ADAM10: variants seen among roughly 807,000 people sequenced by gnomAD.
ADAM10 encodes disintegrin and metalloproteinase domain-containing protein 10.
A neutral mutation model predicts 90.1 loss-of-function variants in ADAM10; 17 were observed. That is an observed-to-expected ratio of 0.19 (90% CI 0.13 to 0.28). ADAM10 has a LOEUF of 0.28. Ranked by LOEUF, ADAM10 falls within the 10% of genes least tolerant of loss-of-function variation. The pLI is 1.00. For synonymous variants in ADAM10, 310 were observed against 298.6 expected (o/e 1.04, Z -0.40); for missense variants, 610 against 914.3 (o/e 0.67, Z 4.29).
chr15:58,600,504 T>C (rs56063727), intron 14 of ADAM10, among the ~76,000 whole-genome samples: 4,140 of 152,188 alleles, frequency 0.027, 125 homozygotes, highest in East Asian at 0.083. Flanking sequence ...ATATAATATC[T>C]TTATTGTATT....
Position 58,686,536 on chromosome 15 carries a change from T to G in ADAM10, c.207-4222A>C, listed in dbSNP as rs558767581. The G allele has an allele frequency of 2.8e-6, 4 of 1,418,532 alleles. No individual in the cohort carries two copies. The East Asian group carries it at 9.3e-5, about 33-fold the overall frequency. The allele number at this position is 1,418,532 out of a possible 1,614,324, so 87.9% of individuals were successfully genotyped here. A position where few individuals can be genotyped will look rare whatever the true frequency, so the allele number is the denominator to read the frequency against. On this transcript the variant is annotated intron_variant, in intron 2 of 15. Transcript: ENST00000260408. ...AGCTTCAACAGTACTGTATGCAGAA[T>G]GCCTGCAAGGATGCCCTGCTGGTGG...
intron 1 of ADAM10, among the ~76,000 whole-genome samples, chr15:58,730,874 C>G (rs1463107619): frequency 6.6e-6 from 1 of 152,204 alleles, no homozygotes; most frequent in Non-Finnish European, 1.5e-5. Context: ...GACATCAGGA[C>G]TCCAGCCTCT....
intron 1 of ADAM10, among the ~76,000 whole-genome samples, chr15:58,722,361 A>AAAAT (rs1184522225): frequency 1.3e-5 from 2 of 151,742 alleles, no homozygotes; most frequent in Admixed American, 6.6e-5. Flanking sequence ...ATAATAAGTA[A>AAAAT]AAATAAATAA....
chr15:58,699,749 C>T (rs1898079933), intron 2 of ADAM10, among the ~76,000 whole-genome samples: 1 of 152,086 alleles, frequency 6.6e-6, no homozygotes, highest in Non-Finnish European at 1.5e-5. Context: ...GCACTCCAGC[C>T]TGAGCAACAC....
At chr15:58,740,912 C>T (rs1899592228) in intron 1 of ADAM10, among the ~76,000 whole-genome samples, 1 of 152,142 alleles carries the variant, frequency 6.6e-6, no homozygotes, top group African/African-American at 2.4e-5. Context: ...TTTTATCCAT[C>T]TGTATTTTGT....
chr15:58,712,045 A>G (rs1898490433), intron 2 of ADAM10, among the ~76,000 whole-genome samples: 1 of 152,178 alleles, frequency 6.6e-6, no homozygotes, highest in African/African-American at 2.4e-5. Context: ...AAAAGCGATC[A>G]ATCTTGCAAT....
intron 1 of ADAM10, among the ~76,000 whole-genome samples, chr15:58,739,035 A>ATTT (rs2140846974): frequency 6.6e-6 from 1 of 152,118 alleles, no homozygotes; most frequent in Non-Finnish European, 1.5e-5. Flanking sequence ...ATATCCCAAA[A>ATTT]CATCCGCCAC....
chr15:58,605,075 T>C (rs1328333064), intron 14 of ADAM10, among the ~76,000 whole-genome samples: 1 of 152,186 alleles, frequency 6.6e-6, no homozygotes, highest in African/African-American at 2.4e-5. Flanking sequence ...GAGTACACGC[T>C]ATGGCAGTAA....
chr15:58,735,679 A>G (rs1899408843), intron 1 of ADAM10, among the ~76,000 whole-genome samples: 1 of 152,152 alleles, frequency 6.6e-6, no homozygotes, highest in South Asian at 2.1e-4. Context: ...TCATTTTTTG[A>G]ATTTTTTCAT....
intron 8 of ADAM10, among the ~76,000 whole-genome samples, 153 bp from the exon 9 acceptor site, chr15:58,633,512 C>CCG (rs1896158870): frequency 6.6e-6 from 1 of 152,056 alleles, no homozygotes; most frequent in Admixed American, 6.6e-5. Context: ...TTTCTTTGGT[C>CCG]CAAGACTAAG....
At chr15:58,725,045 T>G (rs1898985454) in intron 1 of ADAM10, among the ~76,000 whole-genome samples, 1 of 151,630 alleles carries the variant, frequency 6.6e-6, no homozygotes, top group Non-Finnish European at 1.5e-5. Context: ...AAAAACTAGC[T>G]GGGCACAGTG....
chr15:58,653,193 T>C (rs1176132523), intron 5 of ADAM10, among the ~76,000 whole-genome samples: 2 of 152,170 alleles, frequency 1.3e-5, no homozygotes, highest in African/African-American at 4.8e-5. Flanking sequence ...TGTTTCCAAT[T>C]TGGGTGCACT....
intron 11 of ADAM10, among the ~76,000 whole-genome samples, chr15:58,617,383 T>C (rs994872682): frequency 1.3e-5 from 2 of 151,808 alleles, no homozygotes; most frequent in Admixed American, 6.6e-5. Context: ...GAAATAAGAA[T>C]AGAAAACCTG....
intron 2 of ADAM10, 27 bp from the exon 3 acceptor site, chr15:58,682,341 C>G: frequency 6.2e-7 from 1 of 1,600,384 alleles, no homozygotes; most frequent in Non-Finnish European, 8.5e-7. Context: ...GAAGGGGGAA[C>G]AACTGAAATT....
At chr15:58,637,720 T>C (rs1343067074) in intron 8 of ADAM10, among the ~76,000 whole-genome samples, 1 of 151,630 alleles carries the variant, frequency 6.6e-6, no homozygotes, top group African/African-American at 2.4e-5. Flanking sequence ...TGTATTTATA[T>C]ATATATAAAA....
chr15:58,650,288 T>C (rs1270341131), intron 5 of ADAM10, among the ~76,000 whole-genome samples: 3 of 152,200 alleles, frequency 2.0e-5, no homozygotes, highest in Admixed American at 2.0e-4. Context: ...TAACCACAGA[T>C]TTGATGTGAA....
chr15:58,650,335 A>C (rs1009708793), intron 5 of ADAM10, among the ~76,000 whole-genome samples: 14 of 152,176 alleles, frequency 9.2e-5, no homozygotes, highest in Admixed American at 2.0e-4. Context: ...ATTTACTTTC[A>C]CTTCTGGTAA....
intron 1 of ADAM10, among the ~76,000 whole-genome samples, chr15:58,719,899 G>C (rs1235715019): frequency 6.6e-6 from 1 of 152,114 alleles, no homozygotes; most frequent in Admixed American, 6.6e-5. Flanking sequence ...ATTAATATTA[G>C]AGAGCCTACC....
intron 2 of ADAM10, among the ~76,000 whole-genome samples, chr15:58,716,892 C>G (rs1898678418): frequency 6.6e-6 from 1 of 151,692 alleles, no homozygotes; most frequent in Non-Finnish European, 1.5e-5. Context: ...GTGTCCCTAA[C>G]AGATAGAGAA....
Sources: allele counts gnomAD v4.1 joint callset (sites outside exome capture counted in the v4.1 genomes callset), GRCh38; gene constraint gnomAD v4.1.1; transcripts MANE v1.5; gene names NCBI Gene and HGNC (gene_info 2026-07-23, HGNC 2026-07-21).